Variants in DLG2 observed in about 807,000 individuals in gnomAD.
DLG2 encodes the protein discs large MAGUK scaffold protein 2.
In DLG2, 45 loss-of-function variants were observed where a neutral mutation model predicts 132.5. The ratio of observed to expected loss-of-function variants is 0.34; its 90% CI spans 0.27 to 0.44. DLG2 has a LOEUF of 0.44. DLG2 is among the 20% of genes least tolerant of loss of function. The pLI, the probability that DLG2 is intolerant of heterozygous loss-of-function variation, is 1.00. For synonymous variants in DLG2, 424 were observed against 419.6 expected, an observed-to-expected ratio of 1.01 and a Z score of -0.13; for missense variants, 1,045 against 1,196.9, an observed-to-expected ratio of 0.87 and a Z score of 1.87.
chr11:84,178,835 G>C (rs1175089181), intron 8 of DLG2, among the ~76,000 whole-genome samples: 2 of 152,008 alleles, frequency 1.3e-5, no homozygotes, highest in African/African-American at 2.4e-5. Flanking sequence ...CTAAATGTTA[G>C]TTTTTAAACC....
chr11:84,485,167 A>C (rs2099147628), intron 7 of DLG2, among the ~76,000 whole-genome samples: 1 of 152,164 alleles, frequency 6.6e-6, no homozygotes, highest in Non-Finnish European at 1.5e-5. Flanking sequence ...TTCCTAAATC[A>C]GCTAAAAGAG....
At chr11:83,808,605 G>A (rs529043032) in intron 17 of DLG2, among the ~76,000 whole-genome samples, 22 of 152,304 alleles carry the variant, frequency 1.4e-4, no homozygotes, top group African/African-American at 5.3e-4. Flanking sequence ...GGCACGAGGA[G>A]TTCCATGAAA....
At chr11:84,477,966 G>C (rs2099126276) in intron 7 of DLG2, among the ~76,000 whole-genome samples, 1 of 152,104 alleles carries the variant, frequency 6.6e-6, no homozygotes, top group Non-Finnish European at 1.5e-5. Flanking sequence ...CACAGAAATT[G>C]TATAAACCAT....
intron 7 of DLG2, among the ~76,000 whole-genome samples, chr11:84,417,153 A>C (rs2098932544): frequency 1.3e-5 from 2 of 152,202 alleles, no homozygotes; most frequent in South Asian, 4.1e-4. Context: ...GAATAAATGG[A>C]TGGATGGAGA....
chr11:85,174,247 A>T (rs978756051), intron 4 of DLG2, among the ~76,000 whole-genome samples: 2 of 152,208 alleles, frequency 1.3e-5, no homozygotes, highest in African/African-American at 4.8e-5. Flanking sequence ...TAAATGCCTA[A>T]GAGGCGAAAT....
chr11:84,506,126 A>T (rs2099239597), intron 7 of DLG2, among the ~76,000 whole-genome samples: 1 of 125,062 alleles, frequency 8.0e-6, no homozygotes, highest in Non-Finnish European at 1.6e-5. Context: ...CCCAGGCTGG[A>T]GTGCAGTGGC....
chr11:83,958,619 T>C (rs557769513), intron 14 of DLG2, among the ~76,000 whole-genome samples: 1 of 152,184 alleles, frequency 6.6e-6, no homozygotes, highest in Non-Finnish European at 1.5e-5. Context: ...AATTTTTTTG[T>C]TTCATTTTAG....
At chr11:84,972,639 C>CT (rs1220035203) in intron 6 of DLG2, among the ~76,000 whole-genome samples, 2 of 152,186 alleles carry the variant, frequency 1.3e-5, no homozygotes, top group Non-Finnish European at 2.9e-5. Context: ...ACAGAAGGTG[C>CT]TACCTGCCTC....
intron 3 of DLG2, among the ~76,000 whole-genome samples, chr11:85,302,080 C>T (rs2152794432): frequency 6.6e-6 from 1 of 152,276 alleles, no homozygotes; most frequent in Admixed American, 6.5e-5. Flanking sequence ...TAAGCAGCTG[C>T]ATAACTACCT....
chr11:85,137,074 A>C (rs1474621591), intron 5 of DLG2, among the ~76,000 whole-genome samples: 3 of 152,100 alleles, frequency 2.0e-5, no homozygotes, highest in Admixed American at 1.3e-4. Flanking sequence ...GCAAATAAAA[A>C]TATTTTCATT....
intron 5 of DLG2, among the ~76,000 whole-genome samples, chr11:85,126,388 T>A (rs2075117294): frequency 6.6e-6 from 1 of 152,192 alleles, no homozygotes; most frequent in African/African-American, 2.4e-5. Context: ...TGTATTAGAA[T>A]GATCCTCTTG....
At chr11:84,803,551 AG>A (rs2153962394) in intron 6 of DLG2, among the ~76,000 whole-genome samples, 1 of 152,340 alleles carries the variant, frequency 6.6e-6, no homozygotes, top group Non-Finnish European at 1.5e-5. Flanking sequence ...ATTTAGACTC[AG>A]GGTTCTAACA....
intron 11 of DLG2, among the ~76,000 whole-genome samples, chr11:84,044,403 T>C (rs1789597479): frequency 6.6e-6 from 1 of 151,794 alleles, no homozygotes; most frequent in Non-Finnish European, 1.5e-5. Flanking sequence ...ATAACGCATG[T>C]GACTGGTTTA....
At chr11:83,859,669 G>A (rs2061120504) in intron 16 of DLG2, among the ~76,000 whole-genome samples, 2 of 152,190 alleles carry the variant, frequency 1.3e-5, no homozygotes, top group Admixed American at 1.3e-4. Flanking sequence ...TTTCTGAGGA[G>A]AAATTTAAGC....
chr11:85,512,519 G>A (rs1348388550), intron 3 of DLG2, among the ~76,000 whole-genome samples: 3 of 151,984 alleles, frequency 2.0e-5, no homozygotes, highest in Non-Finnish European at 2.9e-5. Context: ...CCTATTTATA[G>A]ATAACGTATC....
intron 11 of DLG2, among the ~76,000 whole-genome samples, chr11:84,027,485 TAA>T (rs58933585): frequency 3.3e-5 from 5 of 151,464 alleles, no homozygotes; most frequent in Non-Finnish European, 7.4e-5. Context: ...GAGACAAATT[TAA>T]AAAAAAATTC....
At chr11:84,182,630 G>A (rs541434421) in intron 8 of DLG2, among the ~76,000 whole-genome samples, 13 of 152,066 alleles carry the variant, frequency 8.5e-5, no homozygotes, top group African/African-American at 2.9e-4. Flanking sequence ...TCATAGCATC[G>A]AATGAATGTA....
intron 6 of DLG2, among the ~76,000 whole-genome samples, chr11:84,877,098 C>T (rs2086470522): frequency 6.6e-6 from 1 of 152,080 alleles, no homozygotes; most frequent in Non-Finnish European, 1.5e-5. Flanking sequence ...AAGTGTTTTA[C>T]TTCCAATTAT....
intron 8 of DLG2, among the ~76,000 whole-genome samples, chr11:84,248,925 T>G (rs1295510565): frequency 6.6e-6 from 1 of 152,188 alleles, no homozygotes; most frequent in Non-Finnish European, 1.5e-5. Flanking sequence ...GGACTCAAAG[T>G]CAGATACAAA....
Sources: allele counts gnomAD v4.1 joint callset (sites outside exome capture counted in the v4.1 genomes callset), GRCh38; gene constraint gnomAD v4.1.1; transcripts MANE v1.5; gene names NCBI Gene and HGNC (gene_info 2026-07-23, HGNC 2026-07-21).